The following HSPG2 variants were observed in gnomAD, a reference collection of about 807,000 sequenced individuals.
The protein encoded by HSPG2 is heparan sulfate proteoglycan 2.
HSPG2 carries 278 observed loss-of-function variants against 526.6 expected under a neutral mutation model. The observed-to-expected ratio is 0.53, with a 90% CI of 0.48 to 0.58. HSPG2 has a LOEUF of 0.58. HSPG2 is among the 20% of genes least tolerant of loss of function. The probability of loss-of-function intolerance (pLI) is 0.00; values close to 1 mark genes in which losing one functional copy is unlikely to be tolerated. For synonymous variants in HSPG2, 2,465 were observed against 2,555.4 expected, an observed-to-expected ratio of 0.96 and a Z score of 1.07; for missense variants, 5,354 against 6,099.5, an observed-to-expected ratio of 0.88 and a Z score of 4.07.
chr1:21,836,612 C>T lies in HSPG2; in HGVS notation c.10355+190G>A, dbSNP rs375248421. ...TGCTGGGATTACAGGCATGAGCCAC[C>T]GTGCCTGGACCTCATTCAGTCTTAT... On this transcript the variant is annotated intron_variant, in intron 75 of 96. Transcript: ENST00000374695. Among the ~76,000 whole-genome samples, 43 of 152,354 alleles carry T rather than the reference C, an allele frequency of 2.8e-4. 1 individual carries two copies. In the South Asian group the frequency reaches 8.5e-3, roughly 30 times the overall value.
At chr1:21,909,991 C>G (rs879532891) in intron 1 of HSPG2, among the ~76,000 whole-genome samples, 3 of 152,250 alleles carry the variant, frequency 2.0e-5, no homozygotes, top group Admixed American at 2.0e-4. Context: ...GCTGCTCCAC[C>G]CTTCCCACAA....
In HSPG2 at chr1:21,881,408, G is replaced by C. The variant is rs1243312780; in HGVS notation, c.1749C>G (p.Val583=). Residue 583 remains valine (V), a synonymous_variant, in exon 14 of 97, where the codon GTC becomes GTG. Transcript: ENST00000374695. ...IDPSLHEFQL[V]DLSRRFLVHD... The stretch of plus-strand genomic sequence containing the variant: ...GGACGAGGAAGCGGCGGGACAGGTC[G>C]ACTAGCTGGAACTCGTGCAGGGATG... 1.9e-6 allele frequency: 3 copies of C among 1,614,116 alleles called. No homozygotes were observed. The highest frequency in any genetic ancestry group is 2.5e-6 in the Non-Finnish European group (3 of 1,180,036).
intron 1 of HSPG2, among the ~76,000 whole-genome samples, chr1:21,915,596 C>A (rs1643870280): frequency 2.6e-5 from 4 of 152,146 alleles, no homozygotes; most frequent in African/African-American, 9.7e-5. Context: ...GGACAGGGAA[C>A]CAGGGATAAT....
Position 21,872,606 on chromosome 1 carries a change from G to A in HSPG2, c.4029+14C>T. 2 of 1,576,500 alleles carry A rather than the reference G, an allele frequency of 1.3e-6. No individual in the cohort carries two copies. Among genetic ancestry groups the A allele is most frequent in the Non-Finnish European group, 1.7e-6 (2 of 1,162,442 alleles). On this transcript the variant is annotated intron_variant, in intron 32 of 96. Coordinates refer to ENST00000374695, the MANE Select transcript of HSPG2 (RefSeq NM_005529.7). This position sits in a 1 kb window ranked among gnomAD's most constrained non-coding sequence, Gnocchi z 5.5. ...TGGCAACACCGCCTGGGGCTGGGCAGCACAGGCTCTCACCAGGTGGCGTGT... is the reference window on the plus strand; with the variant it reads ...TGGCAACACCGCCTGGGGCTGGGCAACACAGGCTCTCACCAGGTGGCGTGT...
In HSPG2 at chr1:21,880,308, TCTC is replaced by T; in HGVS notation, c.2195+52_2195+54del. 9 of 1,613,872 alleles carry T rather than the reference TCTC, an allele frequency of 5.6e-6. No individual in the cohort carries two copies. The South Asian group carries it at 9.9e-5, about 18-fold the overall frequency. On this transcript the variant is annotated intron_variant, in intron 16 of 96. Transcript: ENST00000374695. ...GCAAGGACGGTGAGGCCCTGCCGTT[TCTC>T]CTCTATCCTTGCTAGGGTCTCTGTG...
intron 1 of HSPG2, among the ~76,000 whole-genome samples, chr1:21,903,782 C>A (rs1214301304): frequency 6.6e-5 from 10 of 152,286 alleles, no homozygotes; most frequent in Admixed American, 5.9e-4. Context: ...CCCATGTGGT[C>A]TCTGCCTTGG....
chr1:21,848,847 G>T lies in HSPG2; in HGVS notation c.7585+46C>A, dbSNP rs774050415. 5 of 1,613,146 alleles carry T rather than the reference G, an allele frequency of 3.1e-6. No individual in the cohort carries two copies. Among genetic ancestry groups the T allele is most frequent in the Non-Finnish European group, 4.2e-6 (5 of 1,179,928 alleles). Reference sequence around the variant, plus strand: ...GTGGGAGCTGCTGAGGGTGCAGTCGGGGTCCCCCAGCCCTCCACCATTTGC... The same window carrying T: ...GTGGGAGCTGCTGAGGGTGCAGTCGTGGTCCCCCAGCCCTCCACCATTTGC... On this transcript the variant is annotated intron_variant, in intron 58 of 96. Transcript: ENST00000374695. The surrounding 1 kb of genome is among the most constrained non-coding windows in gnomAD (Gnocchi z 4.9).
chr1:21,900,751 G>C (rs1643053626), intron 1 of HSPG2, among the ~76,000 whole-genome samples: 1 of 152,130 alleles, frequency 6.6e-6, no homozygotes. Context: ...CCAGCGCGGT[G>C]GTGCATGCCT....
In HSPG2 at chr1:21,878,239, G is replaced by A. The variant is rs142904402; in HGVS notation, c.2632C>T (p.Arg878Cys). 2.4e-5 allele frequency: 39 copies of A among 1,613,816 alleles called. No homozygotes were observed. The highest frequency in any genetic ancestry group is 1.3e-4 in the East Asian group (6 of 44,892). ...CCCATGCTGCCACGCTCGTCACAGCGCACAATCTCCTGGTCTGGGACACAA... is the reference window on the plus strand; with the variant it reads ...CCCATGCTGCCACGCTCGTCACAGCACACAATCTCCTGGTCTGGGACACAA... ...KCRPVNQEIV[R>C]CDERGSMGTS... is the part of the protein sequence containing the mutation. The change falls in exon 21 of 97, where the codon CGC (arginine) becomes TGC (cysteine). Residue 878 changes from arginine to cysteine, a missense_variant. Physicochemically the swap from Arg to Cys is radical, Grantham distance 180. Coordinates refer to ENST00000374695, the MANE Select transcript of HSPG2 (RefSeq NM_005529.7).
intron 1 of HSPG2, among the ~76,000 whole-genome samples, chr1:21,931,527 C>A (rs765398013): frequency 7.2e-5 from 11 of 152,170 alleles, no homozygotes; most frequent in Non-Finnish European, 1.5e-4. Context: ...CCAGCAGATA[C>A]TTGGGAAGCT....
At chr1:21,888,865 C>A (rs377746352) in intron 6 of HSPG2, 14 of 386,966 alleles carry the variant, frequency 3.6e-5, no homozygotes, top group South Asian at 2.3e-4. Flanking sequence ...GTCTTTAGAC[C>A]TGGGCCTGAT....
In HSPG2 at chr1:21,865,976, CA is replaced by C. The variant is rs1640201170; in HGVS notation, c.4222-168del. Among the ~76,000 whole-genome samples the C allele has an allele frequency of 6.7e-6, 1 of 149,998 alleles. No individual in the cohort carries two copies. Among genetic ancestry groups the C allele is most frequent in the Non-Finnish European group, 1.5e-5 (1 of 67,376 alleles). On this transcript the variant is annotated intron_variant, in intron 33 of 96. Coordinates refer to ENST00000374695, the MANE Select transcript of HSPG2 (RefSeq NM_005529.7). The surrounding 1 kb of genome is among the most constrained non-coding windows in gnomAD (Gnocchi z 5.4). ...CCAGGGTGCATGGTTGCCTGGGAAACAGGACATTTCTCAGTTCCTCTGTAGC... is the reference window on the plus strand; with the variant it reads ...CCAGGGTGCATGGTTGCCTGGGAAACGGACATTTCTCAGTTCCTCTGTAGC...
chr1:21,860,333 T>C (rs1639692092), intron 39 of HSPG2, 98 bp from the exon 40 acceptor site: 1 of 1,140,304 alleles, frequency 8.8e-7, no homozygotes, highest in East Asian at 2.6e-5. Flanking sequence ...CCACCCAATG[T>C]CAGGTGAGGA....
At chr1:21,860,084 C>T (rs1273086636) in intron 40 of HSPG2, 82 bp from the exon 41 acceptor site, 11 of 1,596,962 alleles carry the variant, frequency 6.9e-6, no homozygotes, top group Non-Finnish European at 9.4e-6. Flanking sequence ...GGGTACCCCA[C>T]CCTCAGCCCT....
intron 23 of HSPG2, 21 bp from the exon 24 acceptor site, chr1:21,876,063 G>C: frequency 6.2e-7 from 1 of 1,613,142 alleles, no homozygotes; most frequent in East Asian, 2.2e-5. Flanking sequence ...GGTTAGACAG[G>C]AGCTTGCGGA....
At chr1:21,889,017 C>T (rs1381273497) in intron 6 of HSPG2, among the ~76,000 whole-genome samples, 1 of 152,204 alleles carries the variant, frequency 6.6e-6, no homozygotes, top group African/African-American at 2.4e-5. Context: ...CCTCAAACTC[C>T]TGGGCTCCGG....
intron 33 of HSPG2, among the ~76,000 whole-genome samples, chr1:21,866,151 C>A (rs1457677437): frequency 6.6e-6 from 1 of 152,202 alleles, no homozygotes; most frequent in Non-Finnish European, 1.5e-5. Flanking sequence ...ATGACAATGA[C>A]CACCATGGGG....
At chr1:21,873,241 C>T in intron 30 of HSPG2, 134 bp downstream of exon 30, 1 of 1,204,714 alleles carries the variant, frequency 8.3e-7, no homozygotes, top group East Asian at 2.3e-5. Flanking sequence ...GTGGGGCCTT[C>T]TCCTATCCCC....
In HSPG2 at chr1:21,865,897, C is replaced by G. The variant is rs1007880332; in HGVS notation, c.4222-88G>C. 1.0e-6 allele frequency: 1 copy of G among 996,724 alleles called. No individual in the cohort carries two copies. The highest frequency in any genetic ancestry group is 1.6e-5 in the African/African-American group (1 of 62,972). 61.7% of individuals were successfully genotyped at this position (996,724 alleles called of 1,614,324 possible). ...GGTGAGGGATGGAGCATCTGGCGGC[C>G]TTTTTGCACCTGTGCCACACTCCCC... On this transcript the variant is annotated intron_variant, in intron 33 of 96. Coordinates refer to ENST00000374695, the MANE Select transcript of HSPG2 (RefSeq NM_005529.7). This position sits in a 1 kb window ranked among gnomAD's most constrained non-coding sequence, Gnocchi z 5.4.
Sources: allele counts gnomAD v4.1 joint callset (sites outside exome capture counted in the v4.1 genomes callset), GRCh38; gene constraint gnomAD v4.1.1; non-coding constraint Gnocchi (gnomAD v3.1); transcripts MANE v1.5; gene names NCBI Gene and HGNC (gene_info 2026-07-23, HGNC 2026-07-21).